TMOD3: variants seen among roughly 807,000 people sequenced by gnomAD.
The protein encoded by TMOD3 is tropomodulin-3.
TMOD3 carries 20 observed loss-of-function variants against 39.2 expected under a neutral mutation model. The ratio of observed to expected loss-of-function variants is 0.51; its 90% CI spans 0.36 to 0.74. The LOEUF (loss-of-function observed/expected upper bound fraction) is 0.74, where lower values mean the gene tolerates loss of function less well. TMOD3 is among the 30% of genes least tolerant of loss of function. The pLI is 0.00. For missense variants in TMOD3, 381 were observed against 412.8 expected, an observed-to-expected ratio of 0.92 and a Z score of 0.67; for synonymous variants, 143 against 145.8, an observed-to-expected ratio of 0.98 and a Z score of 0.14.
At chr15:51,886,375 A>G (rs569410404) in intron 3 of TMOD3, among the ~76,000 whole-genome samples, 2 of 152,362 alleles carry the variant, frequency 1.3e-5, no homozygotes, top group South Asian at 2.1e-4. Flanking sequence ...AGCCTGGGCA[A>G]CATTGAGCAC....
intron 5 of TMOD3, among the ~76,000 whole-genome samples, chr15:51,889,516 A>C (rs2056581739): frequency 1.3e-5 from 2 of 152,226 alleles, no homozygotes; most frequent in African/African-American, 4.8e-5. Flanking sequence ...AAAACTATTC[A>C]GCCCCTAAAC....
intron 1 of TMOD3, among the ~76,000 whole-genome samples, chr15:51,856,133 C>T (rs1489720942): frequency 6.6e-6 from 1 of 152,148 alleles, no homozygotes; most frequent in Non-Finnish European, 1.5e-5. Context: ...TGTGGTGGCA[C>T]ATGCCTGCAT....
chr15:51,886,612 A>G (rs552103305), intron 3 of TMOD3, among the ~76,000 whole-genome samples: 141 of 152,194 alleles, frequency 9.3e-4, no homozygotes, highest in African/African-American at 3.3e-3. Flanking sequence ...CCGAGATGGC[A>G]GCAGTACAGT....
At chr15:51,834,136 T>G (rs1191478948) in intron 1 of TMOD3, among the ~76,000 whole-genome samples, 1 of 152,208 alleles carries the variant, frequency 6.6e-6, no homozygotes, top group Non-Finnish European at 1.5e-5. Context: ...GTCATTCATC[T>G]TTTTATTGTT....
At chr15:51,886,631 G>C (rs149789035) in intron 3 of TMOD3, among the ~76,000 whole-genome samples, 2,702 of 152,244 alleles carry the variant, frequency 0.018, 82 homozygotes, top group East Asian at 0.074. Flanking sequence ...GTCCAGCCTC[G>C]GCTGGGCATC....
intron 1 of TMOD3, among the ~76,000 whole-genome samples, chr15:51,846,300 T>C (rs1010522106): frequency 5.3e-5 from 8 of 152,112 alleles, no homozygotes; most frequent in African/African-American, 1.9e-4. Flanking sequence ...CACTACACTT[T>C]AGCCTGGGTA....
At chr15:51,889,294 C>A in intron 5 of TMOD3, 149 bp downstream of exon 5, 1 of 582,642 alleles carries the variant, frequency 1.7e-6, no homozygotes, top group Non-Finnish European at 3.0e-6. Context: ...ACCAAGAAAG[C>A]CATTGAAAAT....
At chr15:51,878,947 C>T (rs2056518899) in intron 3 of TMOD3, among the ~76,000 whole-genome samples, 1 of 152,160 alleles carries the variant, frequency 6.6e-6, no homozygotes, top group South Asian at 2.1e-4. Flanking sequence ...TTTTTATATA[C>T]TCAGCAAGGG....
At chr15:51,885,300 T>TG (rs1595905319) in intron 3 of TMOD3, among the ~76,000 whole-genome samples, 3 of 150,548 alleles carry the variant, frequency 2.0e-5, no homozygotes, top group East Asian at 2.0e-4. Flanking sequence ...TTTTTTTTTT[T>TG]TTAGTATTTA....
Position 51,896,511 on chromosome 15 carries a change from T to G in TMOD3, c.720T>G (p.Asn240Lys). Residue 240 changes from asparagine to lysine, a missense_variant, in exon 7 of 10, where the codon AAT (asparagine) becomes AAG (lysine). Coordinates refer to ENST00000308580, the MANE Select transcript of TMOD3 (RefSeq NM_014547.5). ...TCAGTCTTGCAGCCACCCGGAGCAA[T>G]GACCCTGTTGCTACTGTAAGTAAGC... The part of the protein sequence containing the change: ...KCFSLAATRS[N>K]DPVATAFAEM... 6.2e-7 allele frequency: 1 copy of G among 1,613,618 alleles called. No individual in the cohort carries two copies. The highest frequency in any genetic ancestry group is 8.5e-7 in the Non-Finnish European group (1 of 1,179,644).
intron 2 of TMOD3, among the ~76,000 whole-genome samples, chr15:51,865,953 T>TC (rs541167336): frequency 1.3e-5 from 2 of 151,928 alleles, no homozygotes; most frequent in Non-Finnish European, 2.9e-5. Flanking sequence ...GAGCTTTTTT[T>TC]CCCCCCCAAG....
At chr15:51,863,783 G>A (rs567819636) in intron 2 of TMOD3, among the ~76,000 whole-genome samples, 45 of 152,240 alleles carry the variant, frequency 3.0e-4, no homozygotes, top group African/African-American at 1.1e-3. Context: ...ATTTTATAAC[G>A]TTGTTGTTAC....
intron 3 of TMOD3, among the ~76,000 whole-genome samples, chr15:51,884,143 T>G (rs1028617783): frequency 6.6e-6 from 1 of 152,232 alleles, no homozygotes; most frequent in Non-Finnish European, 1.5e-5. Flanking sequence ...TTTGGCAACC[T>G]GTGTTCTAGT....
chr15:51,837,434 T>TG (rs925352811), intron 1 of TMOD3, among the ~76,000 whole-genome samples: 4 of 152,020 alleles, frequency 2.6e-5, no homozygotes, highest in African/African-American at 9.7e-5. Context: ...CTTTTTTTTT[T>TG]TTTTCCTCTT....
At chr15:51,872,634 A>T (rs2141691396) in intron 3 of TMOD3, among the ~76,000 whole-genome samples, 1 of 135,076 alleles carries the variant, frequency 7.4e-6, no homozygotes, top group African/African-American at 2.8e-5. Context: ...TTTAGAGATG[A>T]GGACTCACTC....
chr15:51,876,262 G>A (rs2056502684), intron 3 of TMOD3, among the ~76,000 whole-genome samples: 2 of 152,066 alleles, frequency 1.3e-5, no homozygotes, highest in Admixed American at 1.3e-4. Context: ...TCAAACTCTT[G>A]GGCTCAGGTG....
intron 3 of TMOD3, among the ~76,000 whole-genome samples, chr15:51,881,454 A>G (rs2056533223): frequency 6.6e-6 from 1 of 151,106 alleles, no homozygotes; most frequent in African/African-American, 2.4e-5. Context: ...ATGTAGTACA[A>G]TTTATCTGTG....
chr15:51,905,304 C>G (rs2056672744), intron 9 of TMOD3, among the ~76,000 whole-genome samples: 1 of 152,242 alleles, frequency 6.6e-6, no homozygotes, highest in South Asian at 2.1e-4. Context: ...TTGAGACCAG[C>G]CTGGCCAACA....
intron 5 of TMOD3, among the ~76,000 whole-genome samples, chr15:51,891,570 C>A (rs1005952986): frequency 6.6e-6 from 1 of 152,102 alleles, no homozygotes; most frequent in East Asian, 1.9e-4. Flanking sequence ...TCCCATGAAC[C>A]TTTTGCTTAA....
Sources: allele counts gnomAD v4.1 joint callset (sites outside exome capture counted in the v4.1 genomes callset), GRCh38; gene constraint gnomAD v4.1.1; transcripts MANE v1.5; gene names NCBI Gene and HGNC (gene_info 2026-07-23, HGNC 2026-07-21).